NAP1L4: variants seen among roughly 807,000 people sequenced by gnomAD.
NAP1L4 encodes nucleosome assembly protein 1 like 4.
In NAP1L4, 15 loss-of-function variants were observed where a neutral mutation model predicts 58.2. The observed-to-expected ratio is 0.26, with a 90% confidence interval of 0.17 to 0.40. The LOEUF (loss-of-function observed/expected upper bound fraction) is 0.40. Ranked by LOEUF, NAP1L4 falls within the 10% of genes least tolerant of loss-of-function variation. NAP1L4 has a pLI of 1.00. For synonymous variants in NAP1L4, 171 were observed against 155.6 expected (o/e 1.10, Z -0.74); for missense variants, 384 against 451.1 (o/e 0.85, Z 1.35).
chr11:2,956,310 G>A (rs1247531443), intron 10 of NAP1L4, among the ~76,000 whole-genome samples: 2 of 152,202 alleles, frequency 1.3e-5, no homozygotes, highest in African/African-American at 4.8e-5. Context: ...CTCAGCGAAA[G>A]CTGATGCTCA....
rs1846735252 is a variant in NAP1L4, at chr11:2,959,547, G to A, written c.746+223C>T. Among the ~76,000 whole-genome samples the A allele has an allele frequency of 6.6e-6, 1 of 152,196 alleles. No homozygotes were observed. Among genetic ancestry groups the A allele is most frequent in the South Asian group, 2.1e-4 (1 of 4,830 alleles). ...GGCACTATCCCAAAGGCTTGCATGT[G>A]CAACCACGTGACTCATTTCCCAGGT... On this transcript the variant is annotated intron_variant, in intron 9 of 15. Transcript: ENST00000380542. The surrounding 1 kb of genome is among the most constrained non-coding windows in gnomAD (Gnocchi z 4.9).
At position 2,955,678 on chromosome 11, in the gene NAP1L4, G is replaced by A. The variant is rs1406102514; in HGVS notation, c.915+66C>T. 6.7e-7 allele frequency: 1 copy of A among 1,494,232 alleles called. No individual in the cohort carries two copies. Among genetic ancestry groups the A allele is most frequent in the Non-Finnish European group, 9.2e-7 (1 of 1,082,434 alleles). The allele number at this position is 1,494,232 out of a possible 1,614,324, so 92.6% of individuals were successfully genotyped here. ...AGGACTGGACTTTTTTTAACAAGTA[G>A]ACAAGTAGACATTCACTCAGGAGAG... On this transcript the variant is annotated intron_variant, in intron 11 of 15. Coordinates refer to ENST00000380542, the MANE Select transcript of NAP1L4 (RefSeq NM_005969.4). This position sits in a 1 kb window ranked among gnomAD's most constrained non-coding sequence, Gnocchi z 4.2.
intron 1 of NAP1L4, among the ~76,000 whole-genome samples, chr11:2,983,549 C>T (rs539388912): frequency 1.4e-5 from 2 of 143,786 alleles, no homozygotes; most frequent in East Asian, 2.0e-4. Context: ...TTTTTGTTAA[C>T]AAGATGACAA....
At chr11:2,981,142 G>T (rs1848277382) in intron 1 of NAP1L4, among the ~76,000 whole-genome samples, 1 of 151,890 alleles carries the variant, frequency 6.6e-6, no homozygotes. Context: ...GGAGGCTGAG[G>T]CAGGAGAATC....
intron 1 of NAP1L4, among the ~76,000 whole-genome samples, chr11:2,986,690 G>A (rs1056084858): frequency 1.3e-5 from 2 of 149,910 alleles, no homozygotes; most frequent in Admixed American, 6.6e-5. Flanking sequence ...GCAGTGGCGC[G>A]ATCTCGGCTC....
In NAP1L4 at chr11:2,954,715, C is replaced by T. The variant is rs759434949; in HGVS notation, c.916-69G>A. ...AAAACATTCACTTCACCACCCTCAG[C>T]CAAACCTCAGCCCCTCACTTTTGAT... On this transcript the variant is annotated intron_variant, in intron 11 of 15. Coordinates refer to ENST00000380542, the MANE Select transcript of NAP1L4 (RefSeq NM_005969.4). The surrounding 1 kb of genome is among the most constrained non-coding windows in gnomAD (Gnocchi z 4.8). 8 of 1,596,996 alleles carry T rather than the reference C, an allele frequency of 5.0e-6. No individual in the cohort carries two copies. Among genetic ancestry groups the T allele is most frequent in the East Asian group, 4.5e-5 (2 of 44,802 alleles).
intron 4 of NAP1L4, 126 bp downstream of exon 4, chr11:2,975,898 C>T (rs1847927205): frequency 1.2e-6 from 1 of 828,412 alleles, no homozygotes; most frequent in Non-Finnish European, 1.9e-6. Flanking sequence ...GTGCCTGTCT[C>T]TCATAGACAA....
intron 14 of NAP1L4, among the ~76,000 whole-genome samples, chr11:2,950,034 C>G (rs770858338): frequency 6.6e-6 from 1 of 152,254 alleles, no homozygotes; most frequent in Non-Finnish European, 1.5e-5. Flanking sequence ...TCAGACACCC[C>G]GCACAGCAGT....
At chr11:2,984,873 CA>C (rs1848534006) in intron 1 of NAP1L4, among the ~76,000 whole-genome samples, 1 of 151,808 alleles carries the variant, frequency 6.6e-6, no homozygotes, top group Non-Finnish European at 1.5e-5. Context: ...ATGAAACCAA[CA>C]AATCAAGTTA....
At chr11:2,956,822 G>T (rs180680962) in intron 10 of NAP1L4, among the ~76,000 whole-genome samples, 203 of 152,298 alleles carry the variant, frequency 1.3e-3, no homozygotes, top group African/African-American at 4.6e-3. Context: ...ACTAGCTAAT[G>T]CCTCCTTCAC....
At position 2,970,045 on chromosome 11, in the gene NAP1L4, G is replaced by A. The variant is rs2133967221; in HGVS notation, c.403-111C>T. The A allele has an allele frequency of 4.3e-6, 5 of 1,168,362 alleles. No homozygotes were observed. In the South Asian group the frequency reaches 8.3e-5, roughly 19 times the overall value. 72.4% of individuals were successfully genotyped at this position (1,168,362 alleles called of 1,614,324 possible). On this transcript the variant is annotated intron_variant, in intron 6 of 15. Transcript: ENST00000380542. The stretch of plus-strand genomic sequence containing the variant: ...TCTACTATCTCCCATCAAACACCTT[G>A]CTTTCTAAGTCTGCACCTCCAAACC...
chr11:2,946,166 G>C lies in NAP1L4; in HGVS notation c.*33-520C>G, dbSNP rs1312345114. On this transcript the variant is annotated intron_variant, in intron 15 of 15. Coordinates refer to ENST00000380542, the MANE Select transcript of NAP1L4 (RefSeq NM_005969.4). The surrounding 1 kb of genome is among the most constrained non-coding windows in gnomAD (Gnocchi z 4.8). Reference sequence around the variant, plus strand: ...TTCCTGCTCTTTGTACTACCAGGGAGCGCCCCGGCAGATCCATCCTCTTCT... The same window carrying C: ...TTCCTGCTCTTTGTACTACCAGGGACCGCCCCGGCAGATCCATCCTCTTCT... Among the ~76,000 whole-genome samples the C allele has an allele frequency of 2.0e-5, 3 of 152,298 alleles. No homozygotes were observed. Among genetic ancestry groups the C allele is most frequent in the African/African-American group, 7.2e-5 (3 of 41,554 alleles).
intron 4 of NAP1L4, among the ~76,000 whole-genome samples, chr11:2,974,898 T>TG (rs1227383270): frequency 6.6e-6 from 1 of 152,106 alleles, no homozygotes; most frequent in Non-Finnish European, 1.5e-5. Context: ...AGTGGTGGCG[T>TG]GCACCTGCAA....
chr11:2,966,583 C>G (rs959572708), intron 7 of NAP1L4, among the ~76,000 whole-genome samples: 12 of 152,252 alleles, frequency 7.9e-5, no homozygotes, highest in Middle Eastern at 3.4e-3. Context: ...ACTCTTCTGA[C>G]ATAAAACAAA....
chr11:2,975,645 G>T (rs1049511651), intron 4 of NAP1L4, among the ~76,000 whole-genome samples: 12 of 146,580 alleles, frequency 8.2e-5, no homozygotes, highest in African/African-American at 2.5e-4. Context: ...ACTATGCCCA[G>T]TTTTTTTTTT....
chr11:2,945,178 A>G lies in NAP1L4; in HGVS notation c.*501T>C, dbSNP rs935625388. ...CTCAGCAGATTCAGCGGCTGGAAACAGCAAGTGGGTTTCTTCGGATGAAAG... is the reference window on the plus strand; with the variant it reads ...CTCAGCAGATTCAGCGGCTGGAAACGGCAAGTGGGTTTCTTCGGATGAAAG... On this transcript the variant is annotated 3_prime_UTR_variant, in exon 16 of 16. Transcript: ENST00000380542. 2 of 163,646 alleles carry G rather than the reference A, an allele frequency of 1.2e-5. No homozygotes were observed. The highest frequency in any genetic ancestry group is 4.8e-5 in the African/African-American group (2 of 41,874). The allele number at this position is 163,646 out of a possible 1,614,324, so 10.1% of individuals were successfully genotyped here. A position where few individuals can be genotyped will look rare whatever the true frequency, so the allele number is the denominator to read the frequency against.
intron 1 of NAP1L4, among the ~76,000 whole-genome samples, chr11:2,984,613 G>A (rs1264042470): frequency 6.6e-6 from 1 of 151,994 alleles, no homozygotes; most frequent in East Asian, 1.9e-4. Context: ...CACTTCAATG[G>A]TCCCCCGTCA....
In NAP1L4 at chr11:2,951,274, C is replaced by A. The variant is rs140246404; in HGVS notation, c.1107G>T (p.Ala369=). The change falls in exon 14 of 16, where the codon GCG becomes GCT. Residue 369 remains alanine (A), a synonymous_variant. Coordinates refer to ENST00000380542, the MANE Select transcript of NAP1L4 (RefSeq NM_005969.4). The surrounding 1 kb of genome is among the most constrained non-coding windows in gnomAD (Gnocchi z 4.0). The part of the protein sequence containing the change: ...GDEEGEDEDD[A]EINPKV The stretch of plus-strand genomic sequence containing the variant: ...AGTTACCAACCTTGGGGTTAATTTC[C>A]GCATCATCCTCGTCTTCTCCCTCCT... 6.2e-7 allele frequency: 1 copy of A among 1,613,830 alleles called. No individual in the cohort carries two copies. The highest frequency in any genetic ancestry group is 8.5e-7 in the Non-Finnish European group (1 of 1,179,944).
intron 14 of NAP1L4, among the ~76,000 whole-genome samples, chr11:2,950,478 CAG>C (rs745685391): frequency 6.6e-6 from 1 of 152,300 alleles, no homozygotes; most frequent in Admixed American, 6.5e-5. Context: ...TCTAGTCGGA[CAG>C]AGACACATTA....
Sources: gnomAD v4.1 joint callset for allele counts (sites outside exome capture counted in the v4.1 genomes callset) on GRCh38, gnomAD v4.1.1 for gene constraint, Gnocchi (gnomAD v3.1) non-coding constraint, MANE v1.5 for transcripts, NCBI Gene and HGNC (gene_info 2026-07-23, HGNC 2026-07-21) for gene names.